Variants in EDA observed in about 807,000 individuals in gnomAD.
EDA encodes the protein ectodysplasin-A.
Under a neutral mutation model 23.6 loss-of-function variants are expected in EDA, and 2 were observed. The ratio of observed to expected loss-of-function variants is 0.08; its 90% confidence interval spans 0.03 to 0.27. EDA has a LOEUF of 0.27. EDA is among the 10% of genes least tolerant of loss of function. EDA has a pLI of 1.00. For missense variants in EDA, 229 were observed against 324.2 expected, an observed-to-expected ratio of 0.71 and a Z score of 2.26; for synonymous variants, 131 against 132.0, an observed-to-expected ratio of 0.99 and a Z score of 0.05.
intron 1 of EDA, among the ~76,000 whole-genome samples, chrX:69,741,243 C>T (rs1459042692): frequency 9.0e-6 from 1 of 111,321 alleles, no homozygotes; most frequent in Non-Finnish European, 1.9e-5. Context: ...GTGTGAGTCA[C>T]ACTTTACCCA....
At chrX:69,916,974 C>A (rs1285664799) in intron 1 of EDA, among the ~76,000 whole-genome samples, 1 of 110,688 alleles carries the variant, frequency 9.0e-6, no homozygotes, top group Non-Finnish European at 1.9e-5. Flanking sequence ...CTTGCTCTGT[C>A]ACCCAGGCTG....
chrX:69,999,903 G>A (rs1438077139), intron 2 of EDA, among the ~76,000 whole-genome samples: 4 of 110,952 alleles, frequency 3.6e-5, no homozygotes, highest in Non-Finnish European at 7.6e-5. Context: ...GACCAAGTAG[G>A]GTTTGTCCTA....
At chrX:69,645,032 T>A (rs1250008985) in intron 1 of EDA, among the ~76,000 whole-genome samples, 1 of 111,707 alleles carries the variant, frequency 9.0e-6, no homozygotes, top group African/African-American at 3.3e-5. Context: ...TGCATTGATG[T>A]TCACCAAGGA....
chrX:70,013,056 G>A (rs1368115440), intron 2 of EDA, among the ~76,000 whole-genome samples: 1 of 112,478 alleles, frequency 8.9e-6, no homozygotes, highest in Non-Finnish European at 1.9e-5. Flanking sequence ...TTTCCATGCA[G>A]GTCTCTGACC....
intron 1 of EDA, among the ~76,000 whole-genome samples, chrX:69,770,899 G>A (rs1015427646): frequency 5.4e-5 from 6 of 111,059 alleles, no homozygotes; most frequent in African/African-American, 2.0e-4. Context: ...TTTGTGTATG[G>A]GTGAAAGTTA....
At chrX:69,622,179 A>G (rs182996400) in intron 1 of EDA, among the ~76,000 whole-genome samples, 247 of 112,160 alleles carry the variant, frequency 2.2e-3, no homozygotes, top group African/African-American at 7.5e-3. Context: ...TGATGTTGTG[A>G]ATATTATTAT....
At chrX:69,718,525 T>C (rs1420888646) in intron 1 of EDA, among the ~76,000 whole-genome samples, 2 of 111,161 alleles carry the variant, frequency 1.8e-5, no homozygotes, top group Non-Finnish European at 3.8e-5. Flanking sequence ...CTTTGTCAGA[T>C]ACCTTTTCTG....
chrX:69,918,660 G>A (rs1232830333), intron 1 of EDA, among the ~76,000 whole-genome samples: 1 of 111,709 alleles, frequency 9.0e-6, no homozygotes, highest in African/African-American at 3.3e-5. Flanking sequence ...CCAAACTCCA[G>A]CTTAGCTTTT....
intron 1 of EDA, among the ~76,000 whole-genome samples, chrX:69,806,428 G>A (rs767333881): frequency 2.7e-5 from 3 of 110,798 alleles, no homozygotes; most frequent in Non-Finnish European, 5.7e-5. Context: ...AGACTCTTTT[G>A]TATTTAGTTG....
chrX:69,910,873 C>T (rs1191847587), intron 1 of EDA, among the ~76,000 whole-genome samples: 1 of 111,934 alleles, frequency 8.9e-6, no homozygotes, highest in East Asian at 2.8e-4. Context: ...ACAATAGCTG[C>T]CTTAAAATCT....
chrX:69,643,158 C>T (rs1285837509), intron 1 of EDA, among the ~76,000 whole-genome samples: 1 of 109,650 alleles, frequency 9.1e-6, no homozygotes, highest in South Asian at 3.9e-4. Flanking sequence ...TATAGCAGGC[C>T]CTCAACAAAT....
intron 1 of EDA, among the ~76,000 whole-genome samples, chrX:69,836,619 G>A (rs950283648): frequency 1.1e-4 from 12 of 112,053 alleles, no homozygotes; most frequent in Non-Finnish European, 1.7e-4. Flanking sequence ...GGAGTGTCCC[G>A]TTTTTCCAGG....
intron 1 of EDA, among the ~76,000 whole-genome samples, chrX:69,699,668 C>T (rs2011477146): frequency 9.0e-6 from 1 of 110,658 alleles, no homozygotes; most frequent in Non-Finnish European, 1.9e-5. Context: ...AGGGTGGGTC[C>T]CTTAGACTGC....
chrX:69,752,155 A>G (rs968741913), intron 1 of EDA, among the ~76,000 whole-genome samples: 1 of 111,184 alleles, frequency 9.0e-6, no homozygotes, highest in Non-Finnish European at 1.9e-5. Context: ...GTCTTGTGCC[A>G]GTTTTCAAAG....
chrX:69,934,474 T>G (rs2018643328), intron 1 of EDA, among the ~76,000 whole-genome samples: 1 of 111,869 alleles, frequency 8.9e-6, no homozygotes. Context: ...GTAAGCCCCC[T>G]CTGTCATTTT....
intron 2 of EDA, among the ~76,000 whole-genome samples, chrX:69,962,311 A>T (rs891919369): frequency 1.8e-5 from 2 of 112,309 alleles, no homozygotes; most frequent in Admixed American, 9.4e-5. Context: ...GTGAACTTGG[A>T]GAAGTCACGT....
intron 1 of EDA, 21 bp downstream of exon 1, chrX:69,616,725 G>A: frequency 3.3e-6 from 4 of 1,211,218 alleles, no homozygotes; most frequent in Non-Finnish European, 4.5e-6. Flanking sequence ...TAGTAGGGGC[G>A]GCGGCGGCCC....
chrX:69,617,860 A>G, intron 1 of EDA: 1 of 274,995 alleles, frequency 3.6e-6, no homozygotes, highest in Middle Eastern at 4.9e-4. Flanking sequence ...CCTCCCATCT[A>G]AAGTGGTACG....
chrX:69,845,702 T>A (rs1329803025), intron 1 of EDA, among the ~76,000 whole-genome samples: 1 of 111,987 alleles, frequency 8.9e-6, no homozygotes, highest in East Asian at 2.8e-4. Flanking sequence ...GAATGTGAAT[T>A]CCAAGGCTAG....
Sources: gnomAD v4.1 joint callset for allele counts (sites outside exome capture counted in the v4.1 genomes callset) on GRCh38, gnomAD v4.1.1 for gene constraint, MANE v1.5 for transcripts, NCBI Gene and HGNC (gene_info 2026-07-23, HGNC 2026-07-21) for gene names.